MOBP: variants seen among roughly 807,000 people sequenced by gnomAD.
MOBP encodes the protein myelin associated oligodendrocyte basic protein.
In MOBP, 5 loss-of-function variants were observed where a neutral mutation model predicts 15.0. That is an observed-to-expected ratio of 0.33 (90% confidence interval 0.17 to 0.70). MOBP has a LOEUF of 0.70. Ranked by LOEUF, MOBP falls within the 30% of genes least tolerant of loss-of-function variation. The probability of loss-of-function intolerance (pLI) is 0.67; values close to 1 mark genes in which losing one functional copy is unlikely to be tolerated. For missense variants in MOBP, 188 were observed against 257.8 expected (o/e 0.73, Z 1.85); for synonymous variants, 88 against 99.0 (o/e 0.89, Z 0.66).
At chr3:39,483,131 C>T (rs892476765) in intron 2 of MOBP, among the ~76,000 whole-genome samples, 1 of 152,172 alleles carries the variant, frequency 6.6e-6, no homozygotes, top group Non-Finnish European at 1.5e-5. Context: ...ATGTGCACTC[C>T]TGAGATCATT....
chr3:39,505,440 T>G (rs1002952339), downstream of MOBP, among the ~76,000 whole-genome samples: 1 of 152,256 alleles, frequency 6.6e-6, no homozygotes, highest in African/African-American at 2.4e-5. Flanking sequence ...GTTCAGGCTC[T>G]TGTTCTGCCT....
At chr3:39,477,587 T>C (rs72869141) in intron 1 of MOBP, among the ~76,000 whole-genome samples, 2,635 of 151,504 alleles carry the variant, frequency 0.017, 75 homozygotes, top group African/African-American at 0.061. Context: ...TTTATTGTTA[T>C]TTTAGAGTGT....
intron 2 of MOBP, among the ~76,000 whole-genome samples, chr3:39,484,766 C>T (rs867846377): frequency 1.3e-5 from 2 of 152,190 alleles, no homozygotes; most frequent in African/African-American, 2.4e-5. Context: ...TATCTGTGTG[C>T]TAAAGATAAC....
At chr3:39,525,154 A>G (rs549655479), downstream of MOBP, 140 of 152,358 alleles carry the variant, frequency 9.2e-4, no homozygotes, top group African/African-American at 3.3e-3. Flanking sequence ...GGTTTGAAGA[A>G]ATAACAAATT....
chr3:39,488,083 A>G lies in MOBP; in HGVS notation c.-5+7960A>G, dbSNP rs1161812090. On this transcript the variant is annotated intron_variant, in intron 2 of 3. Transcript: ENST00000684792. ...AACAATCCATACATTTTAGTCTTTG[A>G]TTTATTTCTAGGTACTTCAGGATTC... 1.1e-4 allele frequency among the ~76,000 whole-genome samples: 17 copies of G among 151,896 alleles called. 1 individual carries two copies.
downstream of MOBP, among the ~76,000 whole-genome samples, chr3:39,506,808 A>AC (rs2043054539): frequency 1.3e-5 from 2 of 152,210 alleles, no homozygotes; most frequent in Admixed American, 1.3e-4. Flanking sequence ...TGGGCAAGGC[A>AC]CCAGTAGTGT....
rs556176078 is a variant in MOBP at position 39,478,819 on chromosome 3, CT to C, written c.-88-1212del. On this transcript the variant is annotated intron_variant, in intron 1 of 3. Transcript: ENST00000684792. Reference sequence around the variant, plus strand: ...TTCTATATCACTACTGATCATTTGTCTTTTTTTTTCTTCTTCTTTTTTTTTC... The same window carrying C: ...TTCTATATCACTACTGATCATTTGTCTTTTTTTTCTTCTTCTTTTTTTTTC... 2.9e-4 allele frequency among the ~76,000 whole-genome samples: 44 copies of C among 150,636 alleles called. 1 individual carries two copies. The South Asian group carries it at 6.8e-3, about 23-fold the overall frequency.
At chr3:39,484,890 G>T (rs2042679440) in intron 2 of MOBP, among the ~76,000 whole-genome samples, 1 of 152,190 alleles carries the variant, frequency 6.6e-6, no homozygotes, top group South Asian at 2.1e-4. Flanking sequence ...GGGCAGTGTG[G>T]TTCTTGGACC....
intron 2 of MOBP, among the ~76,000 whole-genome samples, chr3:39,483,488 C>T (rs2042655958): frequency 6.6e-6 from 1 of 152,190 alleles, no homozygotes; most frequent in Admixed American, 6.5e-5. Context: ...CCCAAGGCAG[C>T]TTAGTAGCTA....
intron 1 of MOBP, among the ~76,000 whole-genome samples, chr3:39,477,154 A>G (rs2042555425): frequency 6.6e-6 from 1 of 152,160 alleles, no homozygotes; most frequent in African/African-American, 2.4e-5. Flanking sequence ...AAGGTCTCAC[A>G]GTGTCTCCTC....
At chr3:39,523,424 C>A (rs1575326486) in intron 3 of MOBP, among the ~76,000 whole-genome samples, 2 of 152,108 alleles carry the variant, frequency 1.3e-5, no homozygotes, top group East Asian at 3.8e-4. Context: ...AAATTTCTAC[C>A]AAAATGCCAG....
At chr3:39,515,950 C>T (rs1047853070) in exon 5 of MOBP, 1 of 152,122 alleles carries the variant, frequency 6.6e-6, no homozygotes, top group Non-Finnish European at 1.5e-5. Flanking sequence ...TACAGTTCCC[C>T]CTCCCCCCAC....
chr3:39,519,959 G>GT (rs11303840), downstream of MOBP, among the ~76,000 whole-genome samples: 1,365 of 132,088 alleles, frequency 0.01, 9 homozygotes, highest in Middle Eastern at 0.044. Flanking sequence ...CATGACATCT[G>GT]TTTTTTTTTT....
At chr3:39,511,450 A>G (rs940267433) in intron 4 of MOBP, among the ~76,000 whole-genome samples, 2 of 152,304 alleles carry the variant, frequency 1.3e-5, no homozygotes, top group East Asian at 3.9e-4. Context: ...TTTGTGTACT[A>G]GTGACCTGTT....
chr3:39,521,171 A>G (rs1406356030), intron 3 of MOBP, among the ~76,000 whole-genome samples: 1 of 152,058 alleles, frequency 6.6e-6, no homozygotes, highest in African/African-American at 2.4e-5. Flanking sequence ...GTTCGCCTTG[A>G]ACTCCTGGCC....
At chr3:39,518,902 A>G (rs184652027), downstream of MOBP, among the ~76,000 whole-genome samples, 14 of 152,358 alleles carry the variant, frequency 9.2e-5, no homozygotes, top group East Asian at 2.7e-3. Context: ...GATGGATGGC[A>G]TAGTGGGGAT....
downstream of MOBP, among the ~76,000 whole-genome samples, chr3:39,516,698 A>G (rs1249847458): frequency 1.3e-5 from 2 of 152,176 alleles, no homozygotes; most frequent in Admixed American, 6.5e-5. Flanking sequence ...TCAAGATAAC[A>G]TTTTGCCACT....
At chr3:39,516,176 C>G (rs1340778297), downstream of MOBP, among the ~76,000 whole-genome samples, 1 of 152,140 alleles carries the variant, frequency 6.6e-6, no homozygotes, top group Non-Finnish European at 1.5e-5. Context: ...ATTGTAGATG[C>G]AATTTTCTCC....
intron 2 of MOBP, among the ~76,000 whole-genome samples, chr3:39,484,250 T>TC (rs1699345112): frequency 6.6e-6 from 1 of 152,314 alleles, no homozygotes; most frequent in African/African-American, 2.4e-5. Flanking sequence ...GAAAGGTCCA[T>TC]CTTCTGATGA....
Sources: gnomAD v4.1 joint callset for allele counts (sites outside exome capture counted in the v4.1 genomes callset) on GRCh38, gnomAD v4.1.1 for gene constraint, MANE v1.5 for transcripts, NCBI Gene and HGNC (gene_info 2026-07-23, HGNC 2026-07-21) for gene names.